Variants in VKORC1 observed in about 807,000 individuals in gnomAD.
The protein encoded by VKORC1 is phylloquinone epoxide reductase.
In VKORC1, 12 loss-of-function variants were observed where a neutral mutation model predicts 14.8. The ratio of observed to expected loss-of-function variants is 0.81; its 90% CI spans 0.52 to 1.31. The LOEUF (loss-of-function observed/expected upper bound fraction) is 1.31, where lower values mean the gene tolerates loss of function less well. VKORC1 is among the 50% of genes most tolerant of loss of function. The pLI is 0.00. For missense variants in VKORC1, 223 were observed against 215.3 expected, an observed-to-expected ratio of 1.04 and a Z score of -0.22; for synonymous variants, 94 against 92.5, an observed-to-expected ratio of 1.02 and a Z score of -0.09.
intron 2 of VKORC1, chr16:31,092,841 C>G (rs2057298190): frequency 1.8e-6 from 2 of 1,137,586 alleles, no homozygotes; most frequent in South Asian, 1.4e-5. Context: ...TGAGACCAGC[C>G]TGGGCAACAT....
chr16:31,093,294 G>T lies in VKORC1; in HGVS notation c.283+18C>A. On this transcript the variant is annotated intron_variant, in intron 2 of 2. Coordinates refer to ENST00000394975, the MANE Select transcript of VKORC1 (RefSeq NM_024006.6). ...AGGGGCGGGGCGGGGCGGGCAGGGA[G>T]GGGGCGGAGCCACTCACCTAACAAT... 6.2e-7 allele frequency: 1 copy of T among 1,609,432 alleles called. No individual in the cohort carries two copies. Among genetic ancestry groups the T allele is most frequent in the Non-Finnish European group, 8.5e-7 (1 of 1,179,170 alleles).
At chr16:31,093,662 T>G (rs1274973074) in intron 1 of VKORC1, 1 of 608,292 alleles carries the variant, frequency 1.6e-6, no homozygotes, top group Non-Finnish European at 2.6e-6. Context: ...GGCTACTCCG[T>G]AGGCCCTGCT....
At chr16:31,092,108 G>A (rs895883000) in intron 2 of VKORC1, among the ~76,000 whole-genome samples, 2 of 145,960 alleles carry the variant, frequency 1.4e-5, no homozygotes, top group African/African-American at 5.0e-5. Flanking sequence ...AACCCGGGAG[G>A]CAGAGGTTGC....
At position 31,094,749 on chromosome 16, in the gene VKORC1, A is replaced by C. The variant is rs1181905560; in HGVS notation, c.-20T>G. On this transcript the variant is annotated 5_prime_UTR_variant, in exon 1 of 3. Transcript: ENST00000394975. ...GCCCATTATCTCCAGGTTCCGCCCGAGGCGCCCGCGGAGAAAACCAGCCAC... is the reference window on the plus strand; with the variant it reads ...GCCCATTATCTCCAGGTTCCGCCCGCGGCGCCCGCGGAGAAAACCAGCCAC... 6.3e-7 allele frequency: 1 copy of C among 1,583,916 alleles called. No individual in the cohort carries two copies. The highest frequency in any genetic ancestry group is 8.6e-7 in the Non-Finnish European group (1 of 1,168,614).
intron 2 of VKORC1, among the ~76,000 whole-genome samples, chr16:31,092,176 C>CA (rs35224256): frequency 0.54 from 19,970 of 37,070 alleles, 7,835 homozygotes; most frequent in South Asian, 0.86. Context: ...GACTATGTCG[C>CA]AAAAAAAAAA....
At chr16:31,092,770 C>T (rs1596796291) in intron 2 of VKORC1, 1 of 1,280,520 alleles carries the variant, frequency 7.8e-7, no homozygotes, top group East Asian at 5.7e-5. Flanking sequence ...GTTGGTGGGG[C>T]ATGGTAGCTC....
intron 1 of VKORC1, chr16:31,093,995 C>A: frequency 2.9e-6 from 2 of 686,974 alleles, no homozygotes; most frequent in Middle Eastern, 4.3e-4. Flanking sequence ...TGGGCCACCG[C>A]GCCCGGCCCT....
intron 2 of VKORC1, among the ~76,000 whole-genome samples, chr16:31,092,510 G>C (rs1488651175): frequency 6.6e-6 from 1 of 152,080 alleles, no homozygotes; most frequent in Non-Finnish European, 1.5e-5. Flanking sequence ...GCCTTCTCTG[G>C]AGCTGGGAAG....
intron 2 of VKORC1, 93 bp from the exon 3 acceptor site, chr16:31,091,435 C>G (rs2057289609): frequency 2.6e-6 from 4 of 1,544,840 alleles, no homozygotes; most frequent in Non-Finnish European, 3.5e-6. Context: ...ATGCCAGGAG[C>G]TGCTGGGAAG....
In VKORC1 at chr16:31,092,706, T is replaced by C. The variant is rs1384581281; in HGVS notation, c.283+606A>G. 5 of 1,258,222 alleles carry C rather than the reference T, an allele frequency of 4.0e-6. No individual in the cohort carries two copies. The East Asian group carries it at 2.3e-4, about 58-fold the overall frequency. The allele number at this position is 1,258,222 out of a possible 1,614,324, so 77.9% of individuals were successfully genotyped here. ...ACTAAATGAGACAAAAGATAGCTCATGCTCAGCTTCTCCTTAAAAAGGAAT... is the reference window on the plus strand; with the variant it reads ...ACTAAATGAGACAAAAGATAGCTCACGCTCAGCTTCTCCTTAAAAAGGAAT... On this transcript the variant is annotated intron_variant, in intron 2 of 2. Transcript: ENST00000394975.
rs756300930 is a variant in VKORC1, at chr16:31,091,353, G to A, written c.284-11C>T. 6.2e-7 allele frequency: 1 copy of A among 1,611,420 alleles called. No individual in the cohort carries two copies. The highest frequency in any genetic ancestry group is 8.5e-7 in the Non-Finnish European group (1 of 1,178,802). ...GTGTCCGCAGGCAACCTGCAAGGCA[G>A]AAGAGGGTCCGGTGTGGGCTTCAGG... On this transcript the variant is annotated splice_polypyrimidine_tract_variant and intron_variant, in intron 2 of 2. Coordinates refer to ENST00000394975, the MANE Select transcript of VKORC1 (RefSeq NM_024006.6).
chr16:31,094,066 T>C, intron 1 of VKORC1: 3 of 1,226,686 alleles, frequency 2.4e-6, no homozygotes, highest in Non-Finnish European at 3.4e-6. Flanking sequence ...CATCAGAGAC[T>C]GGGAGTCGGG....
chr16:31,094,465 C>A (rs747144000), intron 1 of VKORC1, 92 bp downstream of exon 1: 2 of 1,612,798 alleles, frequency 1.2e-6, no homozygotes, highest in African/African-American at 2.7e-5. Flanking sequence ...CGTGTCCGTT[C>A]CCCGGGCACA....
intron 1 of VKORC1, chr16:31,093,622 C>T: frequency 2.1e-6 from 3 of 1,398,812 alleles, no homozygotes; most frequent in South Asian, 2.8e-5. Flanking sequence ...TGACCCTATC[C>T]TCCCCTCTCC....
intron 1 of VKORC1, chr16:31,094,252 G>T: frequency 6.2e-7 from 1 of 1,611,468 alleles, no homozygotes; most frequent in South Asian, 1.1e-5. Flanking sequence ...CCGTCCTTGA[G>T]ACCATCGTCA....
At chr16:31,094,350 C>G (rs776391062) in intron 1 of VKORC1, 1 of 1,612,930 alleles carries the variant, frequency 6.2e-7, no homozygotes, top group Non-Finnish European at 8.5e-7. Flanking sequence ...GGAATAATCC[C>G]AGTCCCCAGC....
chr16:31,092,692 C>A, intron 2 of VKORC1: 1 of 1,234,880 alleles, frequency 8.1e-7, no homozygotes, highest in Non-Finnish European at 1.0e-6. Flanking sequence ...CTAAATGAGA[C>A]AAAAGATAGC....
In VKORC1 at chr16:31,092,871, C is replaced by T. The variant is rs913173746; in HGVS notation, c.283+441G>A. 3.9e-6 allele frequency: 3 copies of T among 768,360 alleles called. No homozygotes were observed. The African/African-American group carries it at 5.7e-5, about 15-fold the overall frequency. The allele number at this position is 768,360 out of a possible 1,614,324, so 47.6% of individuals were successfully genotyped here. On this transcript the variant is annotated intron_variant, in intron 2 of 2. Transcript: ENST00000394975. ...CAACATGGCGAGACACCATCTCTAC[C>T]AAAAAAAAACAAAAACAAAAATTAG...
intron 1 of VKORC1, 150 bp downstream of exon 1, chr16:31,094,407 G>A (rs1317989184): frequency 6.2e-7 from 1 of 1,612,870 alleles, no homozygotes; most frequent in East Asian, 2.2e-5. Flanking sequence ...CACCAGTATC[G>A]CTGGGTAGCT....
Sources: allele counts gnomAD v4.1 joint callset (sites outside exome capture counted in the v4.1 genomes callset), GRCh38; gene constraint gnomAD v4.1.1; transcripts MANE v1.5; gene names NCBI Gene and HGNC (gene_info 2026-07-23, HGNC 2026-07-21).